The following ARHGEF9 variants were observed in gnomAD, a reference collection of about 807,000 sequenced individuals.
The protein encoded by ARHGEF9 is rho guanine nucleotide exchange factor 9.
ARHGEF9 carries 2 observed loss-of-function variants against 41.3 expected under a neutral mutation model. The ratio of observed to expected loss-of-function variants is 0.05; its 90% CI spans 0.02 to 0.15. ARHGEF9 has a LOEUF of 0.15. Ranked by LOEUF, ARHGEF9 falls within the 10% of genes least tolerant of loss-of-function variation. ARHGEF9 has a pLI of 1.00. For missense variants in ARHGEF9, 225 were observed against 424.7 expected (o/e 0.53, Z 4.13); for synonymous variants, 160 against 154.4 (o/e 1.04, Z -0.27).
intron 6 of ARHGEF9, 62 bp from the exon 7 acceptor site, chrX:63,666,079 G>A: frequency 8.4e-6 from 10 of 1,195,800 alleles, no homozygotes; most frequent in Non-Finnish European, 1.0e-5. Flanking sequence ...TCACCTGCCT[G>A]GAGGCACCCA....
Position 63,666,453 on chromosome X carries a change from TACACACACACAC to T in ARHGEF9, c.946-448_946-437del, listed in dbSNP as rs782805278. ...ACACATACACACATATATATATACA[TACACACACACAC>T]ACACACACACACACACACACACATA... On this transcript the variant is annotated intron_variant, in intron 6 of 9. Coordinates refer to ENST00000671741, the MANE Select transcript of ARHGEF9 (RefSeq NM_001353921.2). Among the ~76,000 whole-genome samples the T allele has an allele frequency of 1.7e-4, 14 of 81,263 alleles. No homozygotes were observed. The East Asian group carries it at 4.5e-3, about 26-fold the overall frequency. The allele number at this position is 81,263 out of a possible 115,157, so 70.6% of individuals were successfully genotyped here. A position where few individuals can be genotyped will look rare whatever the true frequency, so the allele number is the denominator to read the frequency against.
chrX:63,643,732 G>C (rs782186108), intron 9 of ARHGEF9, among the ~76,000 whole-genome samples: 5 of 107,167 alleles, frequency 4.7e-5, no homozygotes, highest in Non-Finnish European at 7.7e-5. Context: ...AAAAAAAAAA[G>C]AGGAACAGAG....
rs2051413642 is a variant in ARHGEF9, at chrX:63,692,412, C to T, written c.582+4713G>A. On this transcript the variant is annotated intron_variant, in intron 4 of 9. Transcript: ENST00000671741. ...AAAGTGGGCAAATGCTCTGAACAGA[C>T]ATTTCTTAAAAGAAGACATACAAAT... Among the ~76,000 whole-genome samples, 2 of 112,502 alleles carry T rather than the reference C, an allele frequency of 1.8e-5. 1 individual carries two copies.
At position 63,695,520 on chromosome X, in the gene ARHGEF9, C is replaced by A; in HGVS notation, c.582+1605G>T. On this transcript the variant is annotated intron_variant, in intron 4 of 9. Coordinates refer to ENST00000671741, the MANE Select transcript of ARHGEF9 (RefSeq NM_001353921.2). ...TGGAATATACATTCAAGAATGGAAC[C>A]AGAAGGTCATACACATCCTTAACAT... 1.8e-5 allele frequency among the ~76,000 whole-genome samples: 2 copies of A among 111,860 alleles called. 1 individual carries two copies.
intron 3 of ARHGEF9, among the ~76,000 whole-genome samples, chrX:63,703,917 C>T (rs1490062994): frequency 1.1e-4 from 12 of 110,321 alleles, no homozygotes; most frequent in African/African-American, 3.9e-4. Context: ...GAGGGAAAAA[C>T]CAGTGCAAAG....
chrX:63,759,637 C>T (rs1339297223), intron 1 of ARHGEF9, among the ~76,000 whole-genome samples: 3 of 112,254 alleles, frequency 2.7e-5, no homozygotes, highest in Non-Finnish European at 3.8e-5. Flanking sequence ...CACTAGTTCT[C>T]AGATCTGAAA....
chrX:63,660,993 C>T (rs782513231), intron 7 of ARHGEF9, among the ~76,000 whole-genome samples: 3 of 112,045 alleles, frequency 2.7e-5, no homozygotes, highest in East Asian at 2.8e-4. Context: ...CTCCCAAAGC[C>T]TCTTGAGATG....
At chrX:63,658,581 CA>C (rs1282937517) in intron 7 of ARHGEF9, among the ~76,000 whole-genome samples, 1 of 111,533 alleles carries the variant, frequency 9.0e-6, no homozygotes, top group African/African-American at 3.3e-5. Flanking sequence ...CTAATATAAA[CA>C]TGTCATTTCC....
rs781847567 is a variant in ARHGEF9 at position 63,762,572 on chromosome X, G to A, written c.30+22544C>T. 2.7e-5 allele frequency among the ~76,000 whole-genome samples: 3 copies of A among 111,192 alleles called. No homozygotes were observed. In the South Asian group the frequency reaches 1.2e-3, roughly 43 times the overall value. On this transcript the variant is annotated intron_variant, in intron 1 of 9. Transcript: ENST00000671741. ...GTGCAGGACACATAAATAGATGGGG[G>A]CTTATAGAAATTCATGAGGGCCTAG...
At chrX:63,744,487 C>T (rs2055149660) in intron 1 of ARHGEF9, among the ~76,000 whole-genome samples, 1 of 112,416 alleles carries the variant, frequency 8.9e-6, no homozygotes, top group Non-Finnish European at 1.9e-5. Context: ...GAAAATATAG[C>T]TGTCTGCAGT....
intron 1 of ARHGEF9, among the ~76,000 whole-genome samples, chrX:63,735,372 G>A (rs1272918467): frequency 9.0e-6 from 1 of 111,344 alleles, no homozygotes; most frequent in African/African-American, 3.3e-5. Flanking sequence ...GAGGGGGCTA[G>A]AACTACAAGA....
At chrX:63,735,753 G>A (rs1421353326) in intron 1 of ARHGEF9, among the ~76,000 whole-genome samples, 1 of 111,764 alleles carries the variant, frequency 8.9e-6, no homozygotes, top group African/African-American at 3.3e-5. Flanking sequence ...AAGGACACAG[G>A]CTTGCAAAAA....
chrX:63,643,974 C>T lies in ARHGEF9; in HGVS notation c.1390+6G>A. 8.3e-7 allele frequency: 1 copy of T among 1,209,540 alleles called. No homozygotes were observed. The highest frequency in any genetic ancestry group is 1.1e-6 in the Non-Finnish European group (1 of 893,891). ...CTTTCACAGAGACTGAGTGGGGCAG[C>T]TTTACCTTTTTGCTTAGGGACTTTT... On this transcript the variant is annotated splice_donor_region_variant and intron_variant, in intron 9 of 9. Transcript: ENST00000671741.
intron 1 of ARHGEF9, among the ~76,000 whole-genome samples, chrX:63,746,182 C>T (rs1556433524): frequency 1.8e-5 from 2 of 111,385 alleles, no homozygotes; most frequent in Admixed American, 9.6e-5. Flanking sequence ...TATCCTTCTG[C>T]CATGCATGTA....
intron 2 of ARHGEF9, among the ~76,000 whole-genome samples, chrX:63,716,707 C>CA (rs1238958111): frequency 1.8e-5 from 2 of 111,899 alleles, no homozygotes; most frequent in East Asian, 5.6e-4. Flanking sequence ...AGTCACTTGT[C>CA]ATGACAACAA....
At chrX:63,693,390 T>A (rs1343710866) in intron 4 of ARHGEF9, among the ~76,000 whole-genome samples, 1 of 110,515 alleles carries the variant, frequency 9.0e-6, no homozygotes, top group East Asian at 2.9e-4. Flanking sequence ...GGTGGATGGA[T>A]CACGAGGTCA....
intron 8 of ARHGEF9, among the ~76,000 whole-genome samples, chrX:63,650,783 T>C (rs181858289): frequency 4.7e-4 from 52 of 110,449 alleles, no homozygotes; most frequent in African/African-American, 1.7e-3. Context: ...AATGATTATA[T>C]ATACATAAAA....
intron 1 of ARHGEF9, among the ~76,000 whole-genome samples, chrX:63,766,272 C>A (rs1349498494): frequency 9.0e-6 from 1 of 111,621 alleles, no homozygotes; most frequent in Admixed American, 9.5e-5. Context: ...TGTATGCACA[C>A]TGAGAGGAGG....
At chrX:63,751,085 C>T (rs528464183) in intron 1 of ARHGEF9, among the ~76,000 whole-genome samples, 2 of 110,740 alleles carry the variant, frequency 1.8e-5, no homozygotes, top group Non-Finnish European at 3.8e-5. Context: ...GATCCAGGAG[C>T]GAAAATCCCT....
Sources: allele counts gnomAD v4.1 joint callset (sites outside exome capture counted in the v4.1 genomes callset), GRCh38; gene constraint gnomAD v4.1.1; transcripts MANE v1.5; gene names NCBI Gene and HGNC (gene_info 2026-07-23, HGNC 2026-07-21).